The following CHD6 variants were observed in gnomAD, a reference collection of about 807,000 sequenced individuals.
CHD6 encodes the protein chromodomain helicase DNA binding protein 6.
Under a neutral mutation model 276.9 loss-of-function variants are expected in CHD6, and 50 were observed. The observed-to-expected ratio is 0.18, with a 90% CI of 0.14 to 0.23. The LOEUF is 0.23. Ranked by LOEUF, CHD6 falls within the 10% of genes least tolerant of loss-of-function variation. CHD6 has a pLI of 1.00. For synonymous variants in CHD6, 1,173 were observed against 1,229.3 expected (o/e 0.95, Z 0.96); for missense variants, 2,564 against 3,365.8 (o/e 0.76, Z 5.89).
At chr20:41,604,374 T>TA (rs2045805650) in intron 1 of CHD6, among the ~76,000 whole-genome samples, 2 of 152,114 alleles carry the variant, frequency 1.3e-5, no homozygotes, top group Admixed American at 1.3e-4. Flanking sequence ...GAGGAATAGT[T>TA]AAAGATTAGA....
chr20:41,616,337 T>C (rs1601200848), intron 1 of CHD6, among the ~76,000 whole-genome samples: 1 of 152,156 alleles, frequency 6.6e-6, no homozygotes, highest in African/African-American at 2.4e-5. Flanking sequence ...GAGCTAAATG[T>C]GAAAAGCAAA....
At chr20:41,600,129 A>G (rs1349110997) in intron 1 of CHD6, among the ~76,000 whole-genome samples, 1 of 152,172 alleles carries the variant, frequency 6.6e-6, no homozygotes, top group African/African-American at 2.4e-5. Flanking sequence ...GTCTCCTTCA[A>G]TACACTGAAA....
rs1453102513 is a variant in CHD6 at position 41,403,298 on chromosome 20, C to T, written c.*1295G>A. ...ACTGAACCATGAGCTTACTTCAAGT[C>T]TCAGAGTGTGAACTACCTGTGAAGA... is the stretch of plus-strand genomic sequence containing the variant. On this transcript the variant is annotated 3_prime_UTR_variant, in exon 37 of 37. Coordinates refer to ENST00000373233, the MANE Select transcript of CHD6 (RefSeq NM_032221.5). The T allele has an allele frequency of 3.7e-5, 39 of 1,063,220 alleles. No individual in the cohort carries two copies. The highest frequency in any genetic ancestry group is 4.3e-5 in the Non-Finnish European group (38 of 877,752). 65.9% of individuals were successfully genotyped at this position (1,063,220 alleles called of 1,614,324 possible). A position where few individuals can be genotyped will look rare whatever the true frequency, so the allele number is the denominator to read the frequency against.
chr20:41,601,433 G>A (rs2045772070), intron 1 of CHD6, among the ~76,000 whole-genome samples: 1 of 152,110 alleles, frequency 6.6e-6, no homozygotes, highest in African/African-American at 2.4e-5. Context: ...AAGAGGGAGT[G>A]AAAAAACTAT....
At chr20:41,600,531 A>G (rs893084093) in intron 1 of CHD6, among the ~76,000 whole-genome samples, 5 of 152,150 alleles carry the variant, frequency 3.3e-5, no homozygotes, top group Non-Finnish European at 5.9e-5. Flanking sequence ...AGGTATATAC[A>G]TATCTAAAAG....
chr20:41,452,793 C>T lies in CHD6; in HGVS notation c.3270G>A (p.Arg1090=), dbSNP rs1350837202. The T allele has an allele frequency of 1.9e-6, 3 of 1,613,336 alleles. No individual in the cohort carries two copies. The African/African-American group carries it at 4.0e-5, about 22-fold the overall frequency. ...TRSRRLNDKA[R]RYLRAECFRV... is the part of the protein sequence containing the mutation. ...GGAAGCACTCCGCTCGGAGGTAGCG[C>T]CTGGCTTTGTCATTGAGGCGCCTGG... Residue 1090 remains arginine, a synonymous_variant, in exon 21 of 37, where the codon AGG becomes AGA. Transcript: ENST00000373233. This position sits in a 1 kb window ranked among gnomAD's most constrained non-coding sequence, Gnocchi z 4.2.
rs183125505 is a variant in CHD6, at chr20:41,564,214, C to T, written c.-23-12854G>A. On this transcript the variant is annotated intron_variant, in intron 1 of 36. Coordinates refer to ENST00000373233, the MANE Select transcript of CHD6 (RefSeq NM_032221.5). ...GAAGCCATCTACAAAATAGCTTAAA[C>T]ATGTTTTGGGGCGCTAAAAATGATC... The T allele has an allele frequency of 2.2e-3, 1,345 of 612,418 alleles. 24 individuals are homozygous for T. The highest frequency in any genetic ancestry group is 0.014 in the Middle Eastern group (53 of 3,914). 37.9% of individuals were successfully genotyped at this position (612,418 alleles called of 1,614,324 possible). A position where few individuals can be genotyped will look rare whatever the true frequency, so the allele number is the denominator to read the frequency against.
intron 1 of CHD6, among the ~76,000 whole-genome samples, chr20:41,604,573 G>C (rs1223394172): frequency 6.6e-6 from 1 of 152,012 alleles, no homozygotes; most frequent in Non-Finnish European, 1.5e-5. Flanking sequence ...TAAGCATGTG[G>C]GTGACTCAAA....
chr20:41,555,360 G>A (rs1242437945), intron 1 of CHD6, among the ~76,000 whole-genome samples: 3 of 145,138 alleles, frequency 2.1e-5, no homozygotes, highest in African/African-American at 5.1e-5. Flanking sequence ...CCGGGCGGGG[G>A]GCCGACCCCC....
intron 1 of CHD6, among the ~76,000 whole-genome samples, chr20:41,595,699 G>T (rs1393003734): frequency 1.3e-5 from 2 of 152,082 alleles, no homozygotes; most frequent in Non-Finnish European, 2.9e-5. Context: ...TTAAAATACT[G>T]TAAGGGTAAT....
In CHD6 at chr20:41,459,827, G is replaced by A. The variant is rs1238799631; in HGVS notation, c.2665-2399C>T. Among the ~76,000 whole-genome samples the A allele has an allele frequency of 3.9e-5, 6 of 152,212 alleles. No homozygotes were observed. The South Asian group carries it at 6.2e-4, about 16-fold the overall frequency. On this transcript the variant is annotated intron_variant, in intron 17 of 36. Transcript: ENST00000373233. The stretch of plus-strand genomic sequence containing the variant: ...TAAATTGGTACCAGTAAAGCAGGGC[G>A]TTGCTGAAAAGATACCCGAAAACGC...
intron 27 of CHD6, among the ~76,000 whole-genome samples, chr20:41,431,000 A>G (rs1157490847): frequency 1.3e-5 from 2 of 151,684 alleles, no homozygotes; most frequent in African/African-American, 4.8e-5. Context: ...CACCTGGCTA[A>G]TTTTTTATAT....
intron 3 of CHD6, among the ~76,000 whole-genome samples, chr20:41,517,762 T>A (rs954897480): frequency 2.6e-5 from 4 of 152,226 alleles, no homozygotes; most frequent in Non-Finnish European, 4.4e-5. Flanking sequence ...AATCCCCATA[T>A]TCCAGATGAG....
chr20:41,440,186 T>C, intron 25 of CHD6, 57 bp from the exon 26 acceptor site: 1 of 1,525,210 alleles, frequency 6.6e-7, no homozygotes, highest in Non-Finnish European at 9.0e-7. Flanking sequence ...AATATTTGCT[T>C]TGGGCACTAG....
chr20:41,483,522 G>A lies in CHD6; in HGVS notation c.2258-3C>T, dbSNP rs750958541. On this transcript the variant is annotated splice_region_variant and splice_polypyrimidine_tract_variant and intron_variant, in intron 15 of 36. Transcript: ENST00000373233. ...TTCTAGAATTTTCTCCTCTGCTCCT[G>A]AAAAGGAATGGAACAAAACTATTCC... is the stretch of plus-strand genomic sequence containing the variant. 61 of 1,602,802 alleles carry A rather than the reference G, an allele frequency of 3.8e-5. No individual in the cohort carries two copies. Among genetic ancestry groups the A allele is most frequent in the Non-Finnish European group, 4.9e-5 (58 of 1,172,666 alleles).
intron 4 of CHD6, among the ~76,000 whole-genome samples, chr20:41,514,500 C>T (rs1434060680): frequency 6.6e-6 from 1 of 152,140 alleles, no homozygotes; most frequent in Non-Finnish European, 1.5e-5. Flanking sequence ...ACCTGTATGG[C>T]AAAAGAGGCC....
intron 27 of CHD6, among the ~76,000 whole-genome samples, chr20:41,433,728 G>GT (rs543901993): frequency 1.4e-3 from 217 of 152,240 alleles, no homozygotes; most frequent in African/African-American, 5.0e-3. Context: ...CTCCTCTTGA[G>GT]TTTTCTAAGT....
At chr20:41,546,757 A>G (rs1297264112) in intron 2 of CHD6, among the ~76,000 whole-genome samples, 1 of 152,194 alleles carries the variant, frequency 6.6e-6, no homozygotes, top group Non-Finnish European at 1.5e-5. Context: ...AATTAAAATA[A>G]CGTATTTCTT....
chr20:41,487,896 T>C, intron 13 of CHD6, 88 bp from the exon 14 acceptor site: 2 of 1,402,496 alleles, frequency 1.4e-6, no homozygotes, highest in Non-Finnish European at 2.0e-6. Flanking sequence ...GGGCATTGAG[T>C]GCTCAATTTG....
Sources: allele counts gnomAD v4.1 joint callset (sites outside exome capture counted in the v4.1 genomes callset), GRCh38; gene constraint gnomAD v4.1.1; non-coding constraint Gnocchi (gnomAD v3.1); transcripts MANE v1.5; gene names NCBI Gene and HGNC (gene_info 2026-07-23, HGNC 2026-07-21).